The following MPP7 variants were observed in gnomAD, a reference collection of about 807,000 sequenced individuals.
MPP7 encodes MAGUK p55 subfamily member 7.
In MPP7, 60 loss-of-function variants were observed where a neutral mutation model predicts 76.5. The ratio of observed to expected loss-of-function variants is 0.78; its 90% confidence interval spans 0.64 to 0.97. The LOEUF (loss-of-function observed/expected upper bound fraction) is 0.97. MPP7 is among the 50% of genes least tolerant of loss of function. The probability of loss-of-function intolerance (pLI) is 0.00; values close to 1 mark genes in which losing one functional copy is unlikely to be tolerated. For missense variants in MPP7, 641 were observed against 694.0 expected, an observed-to-expected ratio of 0.92 and a Z score of 0.86; for synonymous variants, 237 against 244.5, an observed-to-expected ratio of 0.97 and a Z score of 0.29.
In MPP7 at chr10:28,131,550, CA is replaced by C; in HGVS notation, c.447+9del. 1.9e-6 allele frequency: 3 copies of C among 1,575,692 alleles called. No individual in the cohort carries two copies. The highest frequency in any genetic ancestry group is 1.1e-5 in the South Asian group (1 of 90,218). ...ATGGTATCTACTCATATCTGAGCAC[CA>C]AAACTCACCAGTGGTTCTCTATTTT... On this transcript the variant is annotated intron_variant, in intron 6 of 16. Transcript: ENST00000683449.
intron 2 of MPP7, among the ~76,000 whole-genome samples, chr10:28,234,250 AG>A (rs1838992853): frequency 6.6e-6 from 1 of 152,210 alleles, no homozygotes; most frequent in Admixed American, 6.5e-5. Context: ...AGAGCTCCCA[AG>A]GGCCAAAGCT....
chr10:28,100,214 T>A (rs891634339), intron 11 of MPP7, among the ~76,000 whole-genome samples: 1 of 151,912 alleles, frequency 6.6e-6, no homozygotes, highest in African/African-American at 2.4e-5. Flanking sequence ...CATTGAACAT[T>A]TCTACTAATA....
At chr10:28,228,709 T>G (rs1838778939) in intron 2 of MPP7, among the ~76,000 whole-genome samples, 1 of 151,818 alleles carries the variant, frequency 6.6e-6, no homozygotes, top group Admixed American at 6.6e-5. Flanking sequence ...TGCAGTGAGC[T>G]GAGATCACAC....
chr10:28,101,177 C>T (rs1035510437), intron 11 of MPP7, among the ~76,000 whole-genome samples: 8 of 152,062 alleles, frequency 5.3e-5, no homozygotes, highest in African/African-American at 1.7e-4. Flanking sequence ...GATTATGCAG[C>T]GTTCTTTCAT....
In MPP7 at chr10:28,198,041, T is replaced by C. The variant is rs1005279396; in HGVS notation, c.156+4112A>G. Among the ~76,000 whole-genome samples the C allele has an allele frequency of 5.9e-5, 9 of 152,288 alleles. No homozygotes were observed. The East Asian group carries it at 1.7e-3, about 29-fold the overall frequency. ...TAATTCAATCATATGAGGAAAATTATCTGGAAAATATCAATTTGGGTTTGT... is the reference window on the plus strand; with the variant it reads ...TAATTCAATCATATGAGGAAAATTACCTGGAAAATATCAATTTGGGTTTGT... On this transcript the variant is annotated intron_variant, in intron 3 of 16. Transcript: ENST00000683449.
intron 12 of MPP7, among the ~76,000 whole-genome samples, chr10:28,081,953 T>A (rs927700850): frequency 6.6e-6 from 1 of 152,112 alleles, no homozygotes; most frequent in Non-Finnish European, 1.5e-5. Flanking sequence ...GGTTTCACCA[T>A]GTTGGCCAGG....
chr10:28,081,352 G>C (rs745818356), intron 12 of MPP7, among the ~76,000 whole-genome samples: 22 of 152,054 alleles, frequency 1.4e-4, no homozygotes, highest in Non-Finnish European at 8.8e-5. Flanking sequence ...CAAAAAGTTG[G>C]GTTTCACTGA....
chr10:28,183,662 T>A (rs187915215), intron 3 of MPP7, among the ~76,000 whole-genome samples: 3 of 152,168 alleles, frequency 2.0e-5, no homozygotes, highest in Non-Finnish European at 4.4e-5. Context: ...TATTGTGCAC[T>A]TGTAGTCCTA....
At chr10:28,241,222 C>G (rs1229519467) in intron 1 of MPP7, among the ~76,000 whole-genome samples, 2 of 152,036 alleles carry the variant, frequency 1.3e-5, no homozygotes, top group Non-Finnish European at 2.9e-5. Context: ...ATCAAAATAT[C>G]CTTTTGAGCT....
At chr10:28,187,344 A>T (rs140456673) in intron 3 of MPP7, among the ~76,000 whole-genome samples, 2 of 152,208 alleles carry the variant, frequency 1.3e-5, no homozygotes, top group East Asian at 1.9e-4. Flanking sequence ...CAGACTTTAC[A>T]TGTTTCTGTG....
chr10:28,091,753 T>C (rs879744404), intron 11 of MPP7, among the ~76,000 whole-genome samples: 10 of 152,258 alleles, frequency 6.6e-5, no homozygotes, highest in Non-Finnish European at 1.3e-4. Flanking sequence ...GTATCTCTAT[T>C]GAACATGTAT....
intron 11 of MPP7, chr10:28,118,071 T>C (rs893159091): frequency 2.1e-6 from 2 of 962,126 alleles, no homozygotes; most frequent in African/African-American, 3.5e-5. Context: ...AATGCTAGAA[T>C]AAATATTTAT....
chr10:28,292,007 T>A (rs1392113064), intron 1 of MPP7, among the ~76,000 whole-genome samples: 1 of 152,230 alleles, frequency 6.6e-6, no homozygotes, highest in Non-Finnish European at 1.5e-5. Context: ...TCCAGACACA[T>A]GTAACGTGTC....
At chr10:28,264,046 C>A (rs563008936) in intron 1 of MPP7, among the ~76,000 whole-genome samples, 70 of 152,270 alleles carry the variant, frequency 4.6e-4, no homozygotes, top group African/African-American at 1.3e-3. Flanking sequence ...CCTGCAATCC[C>A]AGCACTTTGG....
At chr10:28,145,474 G>A (rs1835673999) in intron 5 of MPP7, among the ~76,000 whole-genome samples, 1 of 152,010 alleles carries the variant, frequency 6.6e-6, no homozygotes, top group Admixed American at 6.6e-5. Flanking sequence ...TTACTCCCAG[G>A]ACAAAAATAG....
chr10:28,276,678 A>G (rs1840507962), intron 1 of MPP7, among the ~76,000 whole-genome samples: 1 of 152,118 alleles, frequency 6.6e-6, no homozygotes, highest in Admixed American at 6.5e-5. Flanking sequence ...ATGCACACGT[A>G]GGTTTGATAT....
chr10:28,184,964 T>A (rs900263838), intron 3 of MPP7, among the ~76,000 whole-genome samples: 1 of 147,224 alleles, frequency 6.8e-6, no homozygotes, highest in Non-Finnish European at 1.5e-5. Flanking sequence ...AATATATTTA[T>A]CTTAATATAT....
chr10:28,279,457 A>G (rs1840602124), intron 1 of MPP7, among the ~76,000 whole-genome samples: 1 of 152,006 alleles, frequency 6.6e-6, no homozygotes, highest in Non-Finnish European at 1.5e-5. Context: ...GGACAGGCGC[A>G]GTGGCTCATG....
chr10:28,170,738 T>G (rs1025048334), intron 3 of MPP7, among the ~76,000 whole-genome samples: 2 of 152,136 alleles, frequency 1.3e-5, no homozygotes, highest in Non-Finnish European at 2.9e-5. Flanking sequence ...GAGTTTTTTA[T>G]TTCCACAATT....
Sources: allele counts gnomAD v4.1 joint callset (sites outside exome capture counted in the v4.1 genomes callset), GRCh38; gene constraint gnomAD v4.1.1; transcripts MANE v1.5; gene names NCBI Gene and HGNC (gene_info 2026-07-23, HGNC 2026-07-21).